NRG1: variants seen among roughly 807,000 people sequenced by gnomAD.
The protein encoded by NRG1 is neuregulin 1.
A neutral mutation model predicts 63.8 loss-of-function variants in NRG1; 18 were observed. That is an observed-to-expected ratio of 0.28 (90% CI 0.19 to 0.42). NRG1 has a LOEUF of 0.42. Ranked by LOEUF, NRG1 falls within the 10% of genes least tolerant of loss-of-function variation. The pLI is 1.00. For missense variants in NRG1, 762 were observed against 814.7 expected, an observed-to-expected ratio of 0.94 and a Z score of 0.79; for synonymous variants, 302 against 301.3, an observed-to-expected ratio of 1.00 and a Z score of -0.02.
intron 5 of NRG1, among the ~76,000 whole-genome samples, chr8:32,679,901 A>T (rs1199561017): frequency 6.6e-6 from 1 of 152,240 alleles, no homozygotes; most frequent in African/African-American, 2.4e-5. Flanking sequence ...TCAATTCCTG[A>T]AAGTCATTAT....
chr8:32,233,636 A>T (rs1245269219), intron 1 of NRG1, among the ~76,000 whole-genome samples: 4 of 148,164 alleles, frequency 2.7e-5, no homozygotes, highest in East Asian at 4.1e-4. Context: ...GCGATCTCAG[A>T]TCACTGCAAC....
chr8:32,489,046 C>T (rs1826230744), intron 1 of NRG1, among the ~76,000 whole-genome samples: 1 of 152,094 alleles, frequency 6.6e-6, no homozygotes, highest in South Asian at 2.1e-4. Flanking sequence ...TGGAAGAGGG[C>T]CAAGCAGACA....
chr8:32,000,572 C>T (rs1812764598), intron 1 of NRG1, among the ~76,000 whole-genome samples: 1 of 151,770 alleles, frequency 6.6e-6, no homozygotes, highest in Non-Finnish European at 1.5e-5. Context: ...CAGACTTATC[C>T]CTCTCTTAAA....
At chr8:32,262,626 C>A (rs1460321621) in intron 1 of NRG1, among the ~76,000 whole-genome samples, 1 of 152,080 alleles carries the variant, frequency 6.6e-6, no homozygotes, top group Non-Finnish European at 1.5e-5. Flanking sequence ...GATTGTAAAA[C>A]CCACTACAAA....
At chr8:32,072,121 C>T (rs1476121819) in intron 1 of NRG1, among the ~76,000 whole-genome samples, 2 of 151,936 alleles carry the variant, frequency 1.3e-5, no homozygotes, top group Middle Eastern at 3.2e-3. Flanking sequence ...ATATGACTCT[C>T]GCCATTAAAT....
chr8:32,753,659 A>T lies in NRG1; in HGVS notation c.692-713A>T, dbSNP rs541914771. 2.1e-3 allele frequency among the ~76,000 whole-genome samples: 325 copies of T among 152,316 alleles called. 2 individuals are homozygous for T. The highest frequency in any genetic ancestry group is 7.6e-3 in the African/African-American group (316 of 41,570). On this transcript the variant is annotated intron_variant, in intron 7 of 11. Transcript: ENST00000356819. ...CCCATAACTGTCCTACCCATCACAT[A>T]GGATTTTCTTTGATACAGTGCCCTG...
intron 1 of NRG1, among the ~76,000 whole-genome samples, chr8:32,098,495 G>C (rs1366277314): frequency 6.6e-6 from 1 of 152,178 alleles, no homozygotes. Flanking sequence ...CAGGTTTATT[G>C]TTAGTTCTTG....
At chr8:32,656,447 G>T (rs1248249316) in intron 5 of NRG1, among the ~76,000 whole-genome samples, 1 of 152,166 alleles carries the variant, frequency 6.6e-6, no homozygotes, top group Admixed American at 6.5e-5. Context: ...AAAAAGGGAA[G>T]AAGCCAGTGC....
chr8:32,428,456 T>C (rs996482053), intron 1 of NRG1, among the ~76,000 whole-genome samples: 1 of 152,212 alleles, frequency 6.6e-6, no homozygotes. Context: ...GGATGTGTTG[T>C]CTGCCTTCGT....
Position 32,619,788 on chromosome 8 carries a change from T to C in NRG1, c.502+2903T>C, listed in dbSNP as rs181006022. On this transcript the variant is annotated intron_variant, in intron 5 of 11. Transcript: ENST00000356819. ...ATATTAACTATTGTTTTACTTGTTT[T>C]TTTATAATTACAATATGCATGTTTT... Among the ~76,000 whole-genome samples, 1,337 of 152,344 alleles carry C rather than the reference T, an allele frequency of 8.8e-3. 3 individuals are homozygous for C. The highest frequency in any genetic ancestry group is 0.037 in the Middle Eastern group (11 of 294).
chr8:31,666,565 C>G (rs928365690), intron 1 of NRG1, among the ~76,000 whole-genome samples: 1 of 152,210 alleles, frequency 6.6e-6, no homozygotes, highest in Non-Finnish European at 1.5e-5. Flanking sequence ...CTTTCTCTGG[C>G]AAAACATTCA....
At chr8:32,488,991 A>G (rs935375225) in intron 1 of NRG1, among the ~76,000 whole-genome samples, 1 of 152,224 alleles carries the variant, frequency 6.6e-6, no homozygotes, top group Non-Finnish European at 1.5e-5. Flanking sequence ...GTGAAAGTTT[A>G]TTAAAAAGCT....
intron 1 of NRG1, among the ~76,000 whole-genome samples, chr8:32,403,823 T>G (rs1423992978): frequency 6.6e-6 from 1 of 152,156 alleles, no homozygotes; most frequent in Non-Finnish European, 1.5e-5. Flanking sequence ...GAAATTTGTT[T>G]TGTCTTCCCA....
At chr8:31,790,183 G>A (rs551550524) in intron 1 of NRG1, among the ~76,000 whole-genome samples, 1 of 152,246 alleles carries the variant, frequency 6.6e-6, no homozygotes, top group South Asian at 2.1e-4. Flanking sequence ...AAGAAAGGAT[G>A]GGTAAAATCA....
At chr8:31,769,575 T>A (rs1818412290) in intron 1 of NRG1, among the ~76,000 whole-genome samples, 1 of 152,162 alleles carries the variant, frequency 6.6e-6, no homozygotes, top group Non-Finnish European at 1.5e-5. Context: ...GCAGAAAATA[T>A]GCCAAAGGTG....
intron 1 of NRG1, among the ~76,000 whole-genome samples, chr8:31,881,394 A>G (rs954559387): frequency 6.6e-6 from 1 of 152,178 alleles, no homozygotes; most frequent in Non-Finnish European, 1.5e-5. Flanking sequence ...GTTGTGTGTA[A>G]TAGTTGCTAC....
At chr8:31,671,020 A>G (rs1807083058) in intron 1 of NRG1, among the ~76,000 whole-genome samples, 1 of 152,150 alleles carries the variant, frequency 6.6e-6, no homozygotes, top group African/African-American at 2.4e-5. Flanking sequence ...AAGTGTACTG[A>G]ATATTTAGCT....
intron 1 of NRG1, among the ~76,000 whole-genome samples, chr8:32,012,452 T>C (rs1814903992): frequency 1.3e-5 from 2 of 152,036 alleles, no homozygotes; most frequent in South Asian, 4.1e-4. Context: ...ATACTAAAAA[T>C]ATCAGGAGAG....
intron 1 of NRG1, among the ~76,000 whole-genome samples, chr8:32,093,340 C>T (rs1829460679): frequency 6.6e-6 from 1 of 152,150 alleles, no homozygotes. Context: ...AGGATAGCAA[C>T]AAGTATAAGG....
Sources: allele counts gnomAD v4.1 joint callset (sites outside exome capture counted in the v4.1 genomes callset), GRCh38; gene constraint gnomAD v4.1.1; transcripts MANE v1.5; gene names NCBI Gene and HGNC (gene_info 2026-07-23, HGNC 2026-07-21).